Variants in COL15A1 observed in about 807,000 individuals in gnomAD.
COL15A1 encodes the protein collagen type XV alpha 1 chain, also known as collagen alpha-1(XV) chain.
Under a neutral mutation model 165.9 loss-of-function variants are expected in COL15A1, and 111 were observed. The observed-to-expected ratio is 0.67, with a 90% CI of 0.57 to 0.78. The LOEUF (loss-of-function observed/expected upper bound fraction) is 0.78, where lower values mean the gene tolerates loss of function less well. Among genes scored for constraint, COL15A1 ranks in the 30% least tolerant of loss-of-function variants. The pLI, the probability that COL15A1 is intolerant of heterozygous loss-of-function variation, is 0.00. For synonymous variants in COL15A1, 659 were observed against 674.8 expected, an observed-to-expected ratio of 0.98 and a Z score of 0.36; for missense variants, 1,745 against 1,789.7, an observed-to-expected ratio of 0.98 and a Z score of 0.45.
At chr9:99,024,419 G>A (rs1839086961) in intron 14 of COL15A1, among the ~76,000 whole-genome samples, 2 of 151,780 alleles carry the variant, frequency 1.3e-5, no homozygotes, top group Admixed American at 1.3e-4. Flanking sequence ...CGAGTAGCTG[G>A]GACTACAGGT....
intron 2 of COL15A1, among the ~76,000 whole-genome samples, chr9:98,963,640 T>C (rs964742360): frequency 6.6e-6 from 1 of 152,218 alleles, no homozygotes; most frequent in Non-Finnish European, 1.5e-5. Context: ...AAATCCTGGT[T>C]CAACACTTTT....
chr9:99,003,374 A>T (rs1838697249), intron 7 of COL15A1, 79 bp from the exon 8 acceptor site: 2 of 1,157,868 alleles, frequency 1.7e-6, no homozygotes, highest in African/African-American at 3.2e-5. Flanking sequence ...GGAGAAGGCT[A>T]GGCAGTCTGT....
In COL15A1 at chr9:99,020,532, C is replaced by T. The variant is rs920073545; in HGVS notation, c.1701+90C>T. The T allele has an allele frequency of 5.5e-6, 5 of 906,974 alleles. No individual in the cohort carries two copies. The South Asian group carries it at 6.9e-5, about 13-fold the overall frequency. 56.2% of individuals were successfully genotyped at this position (906,974 alleles called of 1,614,324 possible). On this transcript the variant is annotated intron_variant, in intron 12 of 41. Coordinates refer to ENST00000375001, the MANE Select transcript of COL15A1 (RefSeq NM_001855.5). The stretch of plus-strand genomic sequence containing the variant: ...TAGGTTTGATTTAGCCCACTCTGAT[C>T]AAGGGGATCGCAGAAGCAGCAAGAG...
chr9:98,954,238 T>C (rs1327458792), intron 2 of COL15A1, among the ~76,000 whole-genome samples: 3 of 152,166 alleles, frequency 2.0e-5, no homozygotes, highest in Admixed American at 6.5e-5. Flanking sequence ...ATTTTAAAAA[T>C]TGGTAATAAA....
intron 2 of COL15A1, among the ~76,000 whole-genome samples, chr9:98,963,902 G>A (rs1837906392): frequency 6.6e-6 from 1 of 152,192 alleles, no homozygotes; most frequent in Non-Finnish European, 1.5e-5. Context: ...ATGTGACGGT[G>A]TGTGCTTGAT....
At chr9:99,047,875 G>A (rs1300023203) in intron 27 of COL15A1, 36 bp downstream of exon 27, 1 of 1,612,620 alleles carries the variant, frequency 6.2e-7, no homozygotes. Flanking sequence ...GCTGGAGGGG[G>A]AGGACACGTG....
chr9:99,054,885 T>C (rs1825689963), intron 32 of COL15A1, among the ~76,000 whole-genome samples: 2 of 152,204 alleles, frequency 1.3e-5, no homozygotes, highest in South Asian at 4.2e-4. Flanking sequence ...CAAAACAATG[T>C]CCAAAGAAGG....
rs1588503046 is a variant in COL15A1 at position 98,987,204 on chromosome 9, C to G, written c.649-90C>G. On this transcript the variant is annotated intron_variant, in intron 3 of 41. Transcript: ENST00000375001. ...CCTCATTCCCACGCTTTTACCTGTT[C>G]GTCTCCATTGCCAAAACAATCATGT... The G allele has an allele frequency of 4.0e-6, 5 of 1,253,134 alleles. No homozygotes were observed. The East Asian group carries it at 7.2e-5, about 18-fold the overall frequency. 77.6% of individuals were successfully genotyped at this position (1,253,134 alleles called of 1,614,324 possible).
chr9:98,960,734 G>A (rs868537755), intron 2 of COL15A1, among the ~76,000 whole-genome samples: 2 of 152,134 alleles, frequency 1.3e-5, no homozygotes, highest in Non-Finnish European at 2.9e-5. Context: ...ACGAAATAAC[G>A]CCCCAAGCTC....
intron 30 of COL15A1, among the ~76,000 whole-genome samples, chr9:99,051,316 C>T (rs1284073885): frequency 6.6e-6 from 1 of 152,048 alleles, no homozygotes; most frequent in Non-Finnish European, 1.5e-5. Context: ...CTTTGGGGGT[C>T]GTGGGGATAC....
chr9:99,027,742 A>G (rs1839150022), intron 16 of COL15A1, among the ~76,000 whole-genome samples: 1 of 152,226 alleles, frequency 6.6e-6, no homozygotes, highest in African/African-American at 2.4e-5. Context: ...ATGCATCTCA[A>G]TTTGTTGCAC....
chr9:99,060,660 A>G (rs1371998742), intron 36 of COL15A1, among the ~76,000 whole-genome samples: 1 of 152,112 alleles, frequency 6.6e-6, no homozygotes, highest in Non-Finnish European at 1.5e-5. Context: ...CTGAAGCAGG[A>G]GAATCACTTG....
chr9:99,030,686 C>T (rs1266620328), intron 16 of COL15A1, among the ~76,000 whole-genome samples: 4 of 152,194 alleles, frequency 2.6e-5, no homozygotes, highest in Admixed American at 6.5e-5. Context: ...TGAAACAATT[C>T]AGTTTTTCAC....
intron 30 of COL15A1, among the ~76,000 whole-genome samples, chr9:99,052,064 T>C (rs1839597890): frequency 6.6e-6 from 1 of 152,242 alleles, no homozygotes; most frequent in African/African-American, 2.4e-5. Flanking sequence ...AAGACAAGAA[T>C]GTTCACAGTT....
chr9:98,972,740 C>T (rs1838081192), intron 2 of COL15A1, among the ~76,000 whole-genome samples: 1 of 152,134 alleles, frequency 6.6e-6, no homozygotes, highest in Non-Finnish European at 1.5e-5. Flanking sequence ...GCCCAGGGCC[C>T]ATGTCTAAGC....
chr9:99,014,071 G>A (rs942147061), intron 9 of COL15A1, among the ~76,000 whole-genome samples: 2 of 152,170 alleles, frequency 1.3e-5, no homozygotes, highest in South Asian at 2.1e-4. Flanking sequence ...ATTTGACCAA[G>A]TCAGGTAGAG....
At chr9:98,978,717 G>C (rs1481074408) in intron 2 of COL15A1, among the ~76,000 whole-genome samples, 1 of 152,048 alleles carries the variant, frequency 6.6e-6, no homozygotes, top group African/African-American at 2.4e-5. Flanking sequence ...ATTTCTATAA[G>C]TGGATGCAAG....
At chr9:99,040,119 G>A (rs2119066209) in intron 22 of COL15A1, among the ~76,000 whole-genome samples, 1 of 152,280 alleles carries the variant, frequency 6.6e-6, no homozygotes, top group South Asian at 2.1e-4. Flanking sequence ...TGAAACCCTA[G>A]AGCAAACCAG....
At chr9:98,965,960 G>T (rs10988397) in intron 2 of COL15A1, among the ~76,000 whole-genome samples, 5 of 149,620 alleles carry the variant, frequency 3.3e-5, no homozygotes, top group African/African-American at 9.9e-5. Flanking sequence ...TTTTCCAGGG[G>T]ACCCAATTCC....
Sources: gnomAD v4.1 joint callset for allele counts (sites outside exome capture counted in the v4.1 genomes callset) on GRCh38, gnomAD v4.1.1 for gene constraint, MANE v1.5 for transcripts, NCBI Gene and HGNC (gene_info 2026-07-23, HGNC 2026-07-21) for gene names.